RWDD3: variants seen among roughly 807,000 people sequenced by gnomAD.
The protein encoded by RWDD3 is RWD domain-containing protein 3.
A neutral mutation model predicts 26.5 loss-of-function variants in RWDD3; 30 were observed. The ratio of observed to expected loss-of-function variants is 1.13; its 90% CI spans 0.85 to 1.54. The LOEUF (loss-of-function observed/expected upper bound fraction) is 1.54, where lower values mean the gene tolerates loss of function less well. RWDD3 is among the 40% of genes most tolerant of loss of function. The probability of loss-of-function intolerance (pLI) is 0.00; values close to 1 mark genes in which losing one functional copy is unlikely to be tolerated. For synonymous variants in RWDD3, 113 were observed against 114.5 expected, an observed-to-expected ratio of 0.99 and a Z score of 0.09; for missense variants, 296 against 309.1, an observed-to-expected ratio of 0.96 and a Z score of 0.32.
upstream of RWDD3, chr1:95,234,205 G>T (rs1001784331): frequency 2.6e-6 from 4 of 1,564,498 alleles, no homozygotes; most frequent in East Asian, 7.1e-5. Context: ...GGAAGGGGAA[G>T]CGCTGAGGCG....
At chr1:95,234,576 C>G (rs1680202446) in intron 1 of RWDD3, among the ~76,000 whole-genome samples, 1 of 152,002 alleles carries the variant, frequency 6.6e-6, no homozygotes, top group Non-Finnish European at 1.5e-5. Flanking sequence ...AGCCGGGGGC[C>G]CCTGCGTGCG....
chr1:95,235,673 T>C (rs1557717868), intron 1 of RWDD3, among the ~76,000 whole-genome samples: 1 of 152,056 alleles, frequency 6.6e-6, no homozygotes. Flanking sequence ...GATACTTTTT[T>C]TTAAACAAGC....
chr1:95,235,365 T>TTTC, intron 1 of RWDD3, among the ~76,000 whole-genome samples: 1 of 118,476 alleles, frequency 8.4e-6, no homozygotes, highest in Non-Finnish European at 1.8e-5. Flanking sequence ...TTTTTTTTTT[T>TTTC]TTTTTTTTTT....
In RWDD3 at chr1:95,246,828, TAAG is replaced by T. The variant is rs149350415; in HGVS notation, c.766_768del (p.Lys256del). The T allele has an allele frequency of 4.7e-4, 725 of 1,558,334 alleles. 7 individuals carry two copies. The East Asian group carries it at 0.015, about 31-fold the overall frequency. On this transcript the variant is annotated inframe_deletion, in exon 4 of 4. Transcript: ENST00000370202. ...AAAAGGAATTTGAAACTGCAGGACT[TAAG>T]AAGCTTTTCTCCGAATTTGTACTTG...
In RWDD3 at chr1:95,240,658, G is replaced by T. The variant is rs888233098; in HGVS notation, c.86-3553G>T. ...GGTAGGCTGGCCCTAGGCGTTGCATGGAGGAATTTGTAATTCATTTCATTC... is the reference window on the plus strand; with the variant it reads ...GGTAGGCTGGCCCTAGGCGTTGCATTGAGGAATTTGTAATTCATTTCATTC... On this transcript the variant is annotated intron_variant, in intron 1 of 3. Transcript: ENST00000370202. Among the ~76,000 whole-genome samples, 13 of 152,188 alleles carry T rather than the reference G, an allele frequency of 8.5e-5. 1 individual carries two copies. The highest frequency in any genetic ancestry group is 7.8e-4 in the Admixed American group (12 of 15,290).
rs200205495 is a variant in RWDD3, at chr1:95,246,853, C to G, written c.787C>G (p.Leu263Val). Residue 263 changes from leucine (L) to valine (V), a missense_variant, in exon 4 of 4, where the codon CTT (leucine) becomes GTT (valine). Physicochemically the swap from Leu to Val is conservative, Grantham distance 32. Transcript: ENST00000370202. ...GLKKLFSEFVLALVK is the reference protein window; with the variant it reads ...GLKKLFSEFVVALVK ...TAAGAAGCTTTTCTCCGAATTTGTA[C>G]TTGCTCTGGTAAAATGAAATGGAAG... 6.5e-7 allele frequency: 1 copy of G among 1,535,886 alleles called. No homozygotes were observed. Among genetic ancestry groups the G allele is most frequent in the Admixed American group, 2.3e-5 (1 of 44,118 alleles).
rs559572464 is a variant in RWDD3 at position 95,244,331 on chromosome 1, C to T, written c.206C>T (p.Ser69Leu). The change falls in exon 2 of 4, where the codon TCG becomes TTG. Residue 69 changes from serine (S) to leucine (L), a missense_variant. Coordinates refer to ENST00000370202, the MANE Select transcript of RWDD3 (RefSeq NM_015485.5). ...TATCCTTCATGTCTACCTGGTATCT[C>T]GATTAACTCTGAACAGTTGACCAGG... ...VNYPSCLPGI[S>L]INSEQLTRAQ... 3.7e-6 allele frequency: 6 copies of T among 1,614,110 alleles called. No individual in the cohort carries two copies. Among genetic ancestry groups the T allele is most frequent in the South Asian group, 2.2e-5 (2 of 91,076 alleles).
At chr1:95,237,550 C>T (rs1052023466) in intron 1 of RWDD3, 1 of 152,174 alleles carries the variant, frequency 6.6e-6, no homozygotes, top group Non-Finnish European at 1.5e-5. Context: ...GCCTTTTGAT[C>T]TCTTTACAAT....
intron 1 of RWDD3, among the ~76,000 whole-genome samples, chr1:95,240,779 T>G (rs1460799413): frequency 6.7e-6 from 1 of 149,416 alleles, no homozygotes; most frequent in Non-Finnish European, 1.5e-5. Flanking sequence ...ATTAGGAGGG[T>G]GGAAGGGAGA....
intron 1 of RWDD3, among the ~76,000 whole-genome samples, chr1:95,236,506 T>A (rs1452903533): frequency 6.6e-6 from 1 of 152,238 alleles, no homozygotes; most frequent in Non-Finnish European, 1.5e-5. Flanking sequence ...GGCACTGTTA[T>A]GTTCCAGGCA....
intron 1 of RWDD3, among the ~76,000 whole-genome samples, chr1:95,240,378 G>A (rs960260062): frequency 4.6e-5 from 7 of 152,096 alleles, no homozygotes; most frequent in South Asian, 2.1e-4. Flanking sequence ...TTCAGTGCTG[G>A]AAAAAATGTT....
At chr1:95,240,119 G>A (rs1275258883) in intron 1 of RWDD3, among the ~76,000 whole-genome samples, 2 of 152,170 alleles carry the variant, frequency 1.3e-5, no homozygotes, top group Admixed American at 6.5e-5. Flanking sequence ...CTCCCCTCTC[G>A]AAATCGTTAA....
chr1:95,242,661 G>A (rs1680680243), intron 1 of RWDD3, among the ~76,000 whole-genome samples: 1 of 152,176 alleles, frequency 6.6e-6, no homozygotes, highest in Non-Finnish European at 1.5e-5. Flanking sequence ...GCTCATGCCT[G>A]TAATCCCAGC....
chr1:95,242,496 G>C (rs1054959774), intron 1 of RWDD3, among the ~76,000 whole-genome samples: 7 of 152,220 alleles, frequency 4.6e-5, no homozygotes, highest in Non-Finnish European at 8.8e-5. Context: ...ATGATTATTA[G>C]AAAGTTTATT....
intron 1 of RWDD3, among the ~76,000 whole-genome samples, chr1:95,236,832 T>C (rs1368336193): frequency 6.6e-6 from 1 of 152,180 alleles, no homozygotes; most frequent in Admixed American, 6.5e-5. Context: ...AAAGAACTGG[T>C]AATGGTCTGG....
intron 1 of RWDD3, 118 bp downstream of exon 1, chr1:95,234,433 G>A: frequency 1.1e-6 from 1 of 920,602 alleles, no homozygotes; most frequent in Non-Finnish European, 1.7e-6. Context: ...TGGGGACCGG[G>A]TTAGTTGAAT....
chr1:95,234,226 C>T lies in RWDD3; in HGVS notation c.-5C>T, dbSNP rs765180522. ...GGAAGCGCTGAGGCGGTGGGGCCCA[C>T]AGCCATGGCGGAGCCTGTGCAGGAG... is the stretch of plus-strand genomic sequence containing the variant. On this transcript the variant is annotated 5_prime_UTR_variant, in exon 1 of 4. Coordinates refer to ENST00000370202, the MANE Select transcript of RWDD3 (RefSeq NM_015485.5). The T allele has an allele frequency of 1.3e-6, 2 of 1,582,748 alleles. No individual in the cohort carries two copies. Among genetic ancestry groups the T allele is most frequent in the Non-Finnish European group, 1.7e-6 (2 of 1,165,130 alleles).
chr1:95,234,420 G>A (rs1348751376), intron 1 of RWDD3, 105 bp downstream of exon 1: 1 of 1,020,492 alleles, frequency 9.8e-7, no homozygotes, highest in Non-Finnish European at 1.5e-6. Flanking sequence ...CTGGGCCCAC[G>A]TATGGGGACC....
intron 1 of RWDD3, among the ~76,000 whole-genome samples, chr1:95,237,806 C>A (rs950394226): frequency 6.6e-5 from 10 of 152,080 alleles, no homozygotes; most frequent in Admixed American, 4.6e-4. Flanking sequence ...GAGAAGATAA[C>A]TGATACTCAG....
Sources: gnomAD v4.1 joint callset for allele counts (sites outside exome capture counted in the v4.1 genomes callset) on GRCh38, gnomAD v4.1.1 for gene constraint, MANE v1.5 for transcripts, NCBI Gene and HGNC (gene_info 2026-07-23, HGNC 2026-07-21) for gene names.